FGF14: variants seen among roughly 807,000 people sequenced by gnomAD.
The protein encoded by FGF14 is fibroblast growth factor homologous factor 4.
In FGF14, 5 loss-of-function variants were observed where a neutral mutation model predicts 25.5. The ratio of observed to expected loss-of-function variants is 0.20; its 90% CI spans 0.10 to 0.41. The LOEUF (loss-of-function observed/expected upper bound fraction) is 0.41, where lower values mean the gene tolerates loss of function less well. Among genes scored for constraint, FGF14 ranks in the 10% least tolerant of loss-of-function variants. The probability of loss-of-function intolerance (pLI) is 1.00; values close to 1 mark genes in which losing one functional copy is unlikely to be tolerated. For missense variants in FGF14, 222 were observed against 320.1 expected (o/e 0.69, Z 2.34); for synonymous variants, 138 against 118.3 (o/e 1.17, Z -1.08).
At chr13:102,062,224 A>T (rs1192244733) in intron 1 of FGF14, among the ~76,000 whole-genome samples, 1 of 152,184 alleles carries the variant, frequency 6.6e-6, no homozygotes, top group African/African-American at 2.4e-5. Context: ...AAACATGGCT[A>T]CCAACCGGAA....
chr13:102,147,431 G>A (rs1213598557), intron 1 of FGF14, among the ~76,000 whole-genome samples: 1 of 152,198 alleles, frequency 6.6e-6, no homozygotes, highest in Non-Finnish European at 1.5e-5. Context: ...CCTGACACTG[G>A]TGGAGAATGC....
intron 1 of FGF14, among the ~76,000 whole-genome samples, chr13:102,044,114 G>T (rs920081573): frequency 6.6e-6 from 1 of 152,160 alleles, no homozygotes; most frequent in African/African-American, 2.4e-5. Context: ...GATACAGCTG[G>T]AACATGTGCT....
chr13:102,318,134 A>G (rs1594836465), intron 1 of FGF14, among the ~76,000 whole-genome samples: 1 of 152,292 alleles, frequency 6.6e-6, no homozygotes, highest in Non-Finnish European at 1.5e-5. Flanking sequence ...GTCTTTCCCA[A>G]GTATCTTGAA....
At chr13:101,909,351 G>A (rs952174321) in intron 1 of FGF14, among the ~76,000 whole-genome samples, 1 of 152,086 alleles carries the variant, frequency 6.6e-6, no homozygotes, top group African/African-American at 2.4e-5. Flanking sequence ...ATCTGACAAA[G>A]GGCTAATATC....
At chr13:102,179,157 T>A (rs1277913699) in intron 1 of FGF14, among the ~76,000 whole-genome samples, 1 of 152,120 alleles carries the variant, frequency 6.6e-6, no homozygotes, top group African/African-American at 2.4e-5. Context: ...TCTCCACTTT[T>A]TCTTGGGCTT....
At chr13:101,893,735 C>G (rs2030150979) in intron 1 of FGF14, among the ~76,000 whole-genome samples, 1 of 152,108 alleles carries the variant, frequency 6.6e-6, no homozygotes, top group African/African-American at 2.4e-5. Context: ...CTACAGCTTC[C>G]AAAAAGGATC....
intron 1 of FGF14, among the ~76,000 whole-genome samples, chr13:101,957,921 G>A (rs934478163): frequency 1.3e-5 from 2 of 151,846 alleles, no homozygotes; most frequent in African/African-American, 4.8e-5. Context: ...TGAAGAACAT[G>A]GAATGAAAGG....
intron 3 of FGF14, among the ~76,000 whole-genome samples, chr13:101,830,271 G>A (rs1230755154): frequency 2.0e-5 from 3 of 151,786 alleles, no homozygotes; most frequent in African/African-American, 7.3e-5. Context: ...AGTTATCCTG[G>A]GCCTGGGAGA....
chr13:101,976,898 T>G (rs758015625), intron 1 of FGF14, among the ~76,000 whole-genome samples: 2 of 152,210 alleles, frequency 1.3e-5, no homozygotes, highest in Non-Finnish European at 2.9e-5. Context: ...CTAAACTAGC[T>G]CATTGTGTCA....
intron 1 of FGF14, among the ~76,000 whole-genome samples, chr13:102,005,520 GAA>G (rs2039737298): frequency 2.0e-5 from 3 of 152,114 alleles, no homozygotes; most frequent in Non-Finnish European, 4.4e-5. Flanking sequence ...ACTGATGTTA[GAA>G]GTTTCTCTGA....
At position 101,715,421 on chromosome 13, in the gene FGF14, A is replaced by G. The variant is rs911134615; in HGVS notation, c.*7410T>C. Reference sequence around the variant, plus strand: ...TCTCGCAGCTGCTTAATAAGATGTAATAATAACATCATTGCACAATAAGAA... The same window carrying G: ...TCTCGCAGCTGCTTAATAAGATGTAGTAATAACATCATTGCACAATAAGAA... On this transcript the variant is annotated 3_prime_UTR_variant, in exon 5 of 5. Transcript: ENST00000376143. 8 of 685,334 alleles carry G rather than the reference A, an allele frequency of 1.2e-5. No individual in the cohort carries two copies. The highest frequency in any genetic ancestry group is 2.1e-5 in the Non-Finnish European group (8 of 381,822). The allele number at this position is 685,334 out of a possible 1,614,324, so 42.5% of individuals were successfully genotyped here.
chr13:102,249,546 A>AGG (rs2052058813), intron 1 of FGF14, among the ~76,000 whole-genome samples: 1 of 100,864 alleles, frequency 9.9e-6, no homozygotes, highest in Non-Finnish European at 2.1e-5. Context: ...TGGTACTGAG[A>AGG]GGGGTGTGTG....
chr13:102,053,893 G>C (rs899302564), intron 1 of FGF14, among the ~76,000 whole-genome samples: 1 of 152,048 alleles, frequency 6.6e-6, no homozygotes, highest in East Asian at 1.9e-4. Flanking sequence ...CTGGTAAAGG[G>C]TTTCATCATT....
At chr13:101,909,627 C>A (rs535183059) in intron 1 of FGF14, among the ~76,000 whole-genome samples, 1 of 152,176 alleles carries the variant, frequency 6.6e-6, no homozygotes, top group East Asian at 1.9e-4. Context: ...AATAGGAACA[C>A]TTTTACACTG....
At chr13:102,395,051 A>G (rs1566985821) in intron 1 of FGF14, 1 of 152,294 alleles carries the variant, frequency 6.6e-6, no homozygotes, top group Non-Finnish European at 1.5e-5. Context: ...GGAGAAAGCC[A>G]AATAGATCAG....
intron 1 of FGF14, among the ~76,000 whole-genome samples, chr13:102,101,984 T>C (rs1473154513): frequency 6.6e-6 from 1 of 152,172 alleles, no homozygotes; most frequent in African/African-American, 2.4e-5. Context: ...ATTACAGGCG[T>C]GAGCCACCAC....
intron 1 of FGF14, among the ~76,000 whole-genome samples, chr13:101,957,340 G>A (rs1297223431): frequency 6.6e-6 from 1 of 151,998 alleles, no homozygotes; most frequent in Non-Finnish European, 1.5e-5. Context: ...TAGAAGAAAG[G>A]AATAAAGAGA....
At chr13:102,272,326 A>G (rs115218898) in intron 1 of FGF14, among the ~76,000 whole-genome samples, 123 of 151,840 alleles carry the variant, frequency 8.1e-4, no homozygotes, top group African/African-American at 2.9e-3. Context: ...TAATCATTTC[A>G]CTCTATGTTA....
intron 1 of FGF14, among the ~76,000 whole-genome samples, chr13:102,218,177 G>A (rs2050455657): frequency 6.6e-6 from 1 of 151,910 alleles, no homozygotes; most frequent in Non-Finnish European, 1.5e-5. Flanking sequence ...CTTGAAAGAA[G>A]ATCTTTCATC....
Sources: gnomAD v4.1 joint callset for allele counts (sites outside exome capture counted in the v4.1 genomes callset) on GRCh38, gnomAD v4.1.1 for gene constraint, MANE v1.5 for transcripts, NCBI Gene and HGNC (gene_info 2026-07-23, HGNC 2026-07-21) for gene names.